Variants in PARN observed in about 807,000 individuals in gnomAD.
PARN encodes poly(A)-specific ribonuclease.
In PARN, 71 loss-of-function variants were observed where a neutral mutation model predicts 102.8. The observed-to-expected ratio is 0.69, with a 90% CI of 0.57 to 0.84. The LOEUF (loss-of-function observed/expected upper bound fraction) is 0.84, where lower values mean the gene tolerates loss of function less well. Ranked by LOEUF, PARN falls within the 40% of genes least tolerant of loss-of-function variation. The pLI, the probability that PARN is intolerant of heterozygous loss-of-function variation, is 0.00. For synonymous variants in PARN, 261 were observed against 252.9 expected (o/e 1.03, Z -0.30); for missense variants, 782 against 760.9 (o/e 1.03, Z -0.33).
intron 18 of PARN, among the ~76,000 whole-genome samples, chr16:14,570,080 C>T (rs948522916): frequency 3.9e-5 from 6 of 152,016 alleles, no homozygotes; most frequent in African/African-American, 1.4e-4. Context: ...GTGGCTCACG[C>T]CTGTAATCCC....
chr16:14,503,087 T>C (rs1964705595), intron 21 of PARN, among the ~76,000 whole-genome samples: 1 of 152,122 alleles, frequency 6.6e-6, no homozygotes, highest in African/African-American at 2.4e-5. Context: ...GCTGCGCCCC[T>C]GAGTGCTCCT....
intron 21 of PARN, among the ~76,000 whole-genome samples, chr16:14,516,116 A>G (rs1009924945): frequency 6.6e-6 from 1 of 152,072 alleles, no homozygotes; most frequent in African/African-American, 2.4e-5. Flanking sequence ...ACAAGAATAA[A>G]AAAACACAAC....
intron 9 of PARN, among the ~76,000 whole-genome samples, 179 bp from the exon 10 acceptor site, chr16:14,606,705 T>A (rs1163617310): frequency 6.6e-6 from 1 of 152,146 alleles, no homozygotes; most frequent in African/African-American, 2.4e-5. Flanking sequence ...GCTAAATGTT[T>A]CCTTACCCTT....
At chr16:14,587,648 G>A (rs749078465) in intron 13 of PARN, among the ~76,000 whole-genome samples, 1 of 152,058 alleles carries the variant, frequency 6.6e-6, no homozygotes, top group Non-Finnish European at 1.5e-5. Flanking sequence ...AATTTATTAG[G>A]CTTTCTAATT....
At chr16:14,507,441 A>G (rs941553494) in intron 21 of PARN, among the ~76,000 whole-genome samples, 2 of 152,150 alleles carry the variant, frequency 1.3e-5, no homozygotes, top group African/African-American at 4.8e-5. Context: ...TCACACCTGT[A>G]ATCCCAGCAT....
At chr16:14,587,790 C>A (rs922260164) in intron 13 of PARN, among the ~76,000 whole-genome samples, 1 of 152,222 alleles carries the variant, frequency 6.6e-6, no homozygotes, top group African/African-American at 2.4e-5. Flanking sequence ...AAGGATAAAA[C>A]TGCTTATCCT....
intron 21 of PARN, among the ~76,000 whole-genome samples, chr16:14,498,059 G>A (rs1002076380): frequency 2.0e-5 from 3 of 151,186 alleles, no homozygotes; most frequent in African/African-American, 7.3e-5. Context: ...GGGAGTCGGA[G>A]GTTGCAGTGA....
At chr16:14,462,091 C>T (rs910160791) in intron 22 of PARN, among the ~76,000 whole-genome samples, 4 of 152,156 alleles carry the variant, frequency 2.6e-5, no homozygotes, top group Non-Finnish European at 4.4e-5. Context: ...ATTTAACTAA[C>T]CTGGTGACTG....
Position 14,537,377 on chromosome 16 carries a change from G to A in PARN, c.1480+14644C>T, listed in dbSNP as rs570833282. Among the ~76,000 whole-genome samples the A allele has an allele frequency of 1.4e-3, 219 of 152,276 alleles. 1 individual carries two copies. Among genetic ancestry groups the A allele is most frequent in the African/African-American group, 5.0e-3 (209 of 41,540 alleles). On this transcript the variant is annotated intron_variant, in intron 21 of 23. Coordinates refer to ENST00000437198, the MANE Select transcript of PARN (RefSeq NM_002582.4). Reference sequence around the variant, plus strand: ...TAGGATGGCTACTATGAAAGACAGCGTGGAAGTTCCTCAAAAAATTAGAAA... The same window carrying A: ...TAGGATGGCTACTATGAAAGACAGCATGGAAGTTCCTCAAAAAATTAGAAA...
chr16:14,621,045 CACAA>C (rs1175643957), intron 5 of PARN, among the ~76,000 whole-genome samples: 6 of 152,136 alleles, frequency 3.9e-5, no homozygotes, highest in African/African-American at 4.8e-5. Flanking sequence ...CAGAAAAACA[CACAA>C]ACAAATAGAA....
chr16:14,548,297 T>C (rs984541450), intron 21 of PARN, among the ~76,000 whole-genome samples: 1 of 151,148 alleles, frequency 6.6e-6, no homozygotes, highest in Admixed American at 6.6e-5. Context: ...ATACCCTGGG[T>C]CCTTCTTATC....
intron 18 of PARN, among the ~76,000 whole-genome samples, chr16:14,573,940 A>G (rs1968961896): frequency 6.6e-6 from 1 of 152,202 alleles, no homozygotes; most frequent in Admixed American, 6.5e-5. Context: ...AATACAGTAA[A>G]TTGGTACTGG....
rs988746606 is a variant in PARN at position 14,630,248 on chromosome 16, G to C, written c.-123C>G. 4 of 858,176 alleles carry C rather than the reference G, an allele frequency of 4.7e-6. No homozygotes were observed. In the Admixed American group the frequency reaches 1.1e-4, roughly 23 times the overall value. 53.2% of individuals were successfully genotyped at this position (858,176 alleles called of 1,614,324 possible). A position where few individuals can be genotyped will look rare whatever the true frequency, so the allele number is the denominator to read the frequency against. On this transcript the variant is annotated 5_prime_UTR_variant, in exon 1 of 24. Coordinates refer to ENST00000437198, the MANE Select transcript of PARN (RefSeq NM_002582.4). Reference sequence around the variant, plus strand: ...CAGCCGCAGCGGTGACGCCGGCCGCGACTTCCGGAAACAGCGCGCGCCTGC... The same window carrying C: ...CAGCCGCAGCGGTGACGCCGGCCGCCACTTCCGGAAACAGCGCGCGCCTGC...
At chr16:14,591,093 A>G (rs368123668) in intron 13 of PARN, among the ~76,000 whole-genome samples, 28 of 152,232 alleles carry the variant, frequency 1.8e-4, no homozygotes, top group African/African-American at 6.3e-4. Flanking sequence ...CTATTTTATT[A>G]AAAAGATATG....
At chr16:14,500,841 C>A (rs1964549466) in intron 21 of PARN, among the ~76,000 whole-genome samples, 2 of 152,116 alleles carry the variant, frequency 1.3e-5, no homozygotes, top group African/African-American at 4.8e-5. Flanking sequence ...GTACCCTGTG[C>A]CCTATGTCAG....
In PARN at chr16:14,604,244, G is replaced by C. The variant is rs758764619; in HGVS notation, c.703-18C>G. ...CGCTCCTTCTAAAAGACATAAAGCA[G>C]ATATACAATTTTCTTTTCTTTTTCT... On this transcript the variant is annotated intron_variant, in intron 10 of 23. Coordinates refer to ENST00000437198, the MANE Select transcript of PARN (RefSeq NM_002582.4). The C allele has an allele frequency of 4.1e-6, 6 of 1,455,974 alleles. No homozygotes were observed. Among genetic ancestry groups the C allele is most frequent in the South Asian group, 3.8e-5 (3 of 79,760 alleles). 90.2% of individuals were successfully genotyped at this position (1,455,974 alleles called of 1,614,324 possible).
chr16:14,485,087 T>C (rs914187326), intron 21 of PARN, among the ~76,000 whole-genome samples: 2 of 152,170 alleles, frequency 1.3e-5, no homozygotes, highest in African/African-American at 4.8e-5. Flanking sequence ...GTTCATATTA[T>C]ACAATGTCTC....
intron 22 of PARN, among the ~76,000 whole-genome samples, chr16:14,469,127 G>T (rs1454418504): frequency 6.6e-6 from 1 of 151,812 alleles, no homozygotes; most frequent in Non-Finnish European, 1.5e-5. Context: ...GTGAAACTCG[G>T]TCTCTACTAA....
rs533202434 is a variant in PARN, at chr16:14,564,229, T to C, written c.1263-8520A>G. ...AACCACTAGTCAAAGCCCTTGTGTA[T>C]ATAAGAGAAGCAAGTGTAAGCAAGT... On this transcript the variant is annotated intron_variant, in intron 18 of 23. Transcript: ENST00000437198. Among the ~76,000 whole-genome samples, 7 of 152,298 alleles carry C rather than the reference T, an allele frequency of 4.6e-5. No homozygotes were observed. In the South Asian group the frequency reaches 1.4e-3, roughly 32 times the overall value.
Sources: allele counts gnomAD v4.1 joint callset (sites outside exome capture counted in the v4.1 genomes callset), GRCh38; gene constraint gnomAD v4.1.1; transcripts MANE v1.5; gene names NCBI Gene and HGNC (gene_info 2026-07-23, HGNC 2026-07-21).